STARD9: variants seen among roughly 807,000 people sequenced by gnomAD.
STARD9 encodes stAR-related lipid transfer protein 9.
STARD9 carries 346 observed loss-of-function variants against 399.8 expected under a neutral mutation model. The ratio of observed to expected loss-of-function variants is 0.87; its 90% CI spans 0.79 to 0.95. The LOEUF is 0.95. Ranked by LOEUF, STARD9 falls within the 40% of genes least tolerant of loss-of-function variation. The probability of loss-of-function intolerance (pLI) is 0.00; values close to 1 mark genes in which losing one functional copy is unlikely to be tolerated. For missense variants in STARD9, 5,832 were observed against 5,667.5 expected, an observed-to-expected ratio of 1.03 and a Z score of -0.93; for synonymous variants, 2,203 against 2,143.5, an observed-to-expected ratio of 1.03 and a Z score of -0.77.
At position 42,720,839 on chromosome 15, in the gene STARD9, A is replaced by T. The variant is rs946194062; in HGVS notation, c.*1265A>T. ...ATATATTGTTGATTGAAGGTTTTTT[A>T]AAATTGCTTTTAAACTTCTATTTCT... On this transcript the variant is annotated 3_prime_UTR_variant, in exon 33 of 33. Transcript: ENST00000290607. 1.3e-5 allele frequency: 2 copies of T among 152,110 alleles called. No homozygotes were observed. Among genetic ancestry groups the T allele is most frequent in the African/African-American group, 2.4e-5 (1 of 41,438 alleles). The allele number at this position is 152,110 out of a possible 1,614,324, so 9.4% of individuals were successfully genotyped here.
At chr15:42,654,211 G>GA (rs2059819066) in intron 9 of STARD9, among the ~76,000 whole-genome samples, 1 of 152,012 alleles carries the variant, frequency 6.6e-6, no homozygotes, top group Admixed American at 6.6e-5. Context: ...ATGAGACACA[G>GA]AAAAAAGAAA....
At chr15:42,658,629 C>T (rs907190913) in intron 9 of STARD9, among the ~76,000 whole-genome samples, 5 of 151,726 alleles carry the variant, frequency 3.3e-5, no homozygotes, top group African/African-American at 4.8e-5. Context: ...ATTACAGGCA[C>T]GCATTACCAT....
At position 42,691,721 on chromosome 15, in the gene STARD9, C is replaced by G. The variant is rs74009205; in HGVS notation, c.10143C>G (p.Asp3381Glu). The G allele has an allele frequency of 6.5e-4, 1,005 of 1,537,250 alleles. 6 individuals are homozygous for G. The African/African-American group carries it at 0.013, about 20-fold the overall frequency. The stretch of plus-strand genomic sequence containing the variant: ...CAAGAACATCTCTGCAGGCTGAGGA[C>G]AGCAATCAGAAAGCCTCATCTCGCT... ...SVARTSLQAEDSNQKASSRLD... is the reference protein window; with the variant it reads ...SVARTSLQAEESNQKASSRLD... The change falls in exon 23 of 33, where the codon GAC becomes GAG. Residue 3381 changes from aspartate to glutamate, a missense_variant. Coordinates refer to ENST00000290607, the MANE Select transcript of STARD9 (RefSeq NM_020759.3).
chr15:42,693,990 G>A lies in STARD9; in HGVS notation c.12412G>A (p.Val4138Met), dbSNP rs945694830. Residue 4138 changes from valine to methionine, a missense_variant, in exon 23 of 33, where the codon GTG (valine) becomes ATG (methionine). Coordinates refer to ENST00000290607, the MANE Select transcript of STARD9 (RefSeq NM_020759.3). ...HQHHSLRDLP[V>M]HNKFSNWCGV... ...GCACCACAGTCTGAGGGACCTCCCG[G>A]TGCATAACAAATTTAGTAACTGGTG... The A allele has an allele frequency of 5.9e-6, 9 of 1,514,474 alleles. No individual in the cohort carries two copies. Among genetic ancestry groups the A allele is most frequent in the African/African-American group, 4.1e-5 (3 of 72,532 alleles). The allele number at this position is 1,514,474 out of a possible 1,614,324, so 93.8% of individuals were successfully genotyped here. A position where few individuals can be genotyped will look rare whatever the true frequency, so the allele number is the denominator to read the frequency against.
At chr15:42,640,720 C>T (rs2141946150) in intron 7 of STARD9, among the ~76,000 whole-genome samples, 1 of 147,860 alleles carries the variant, frequency 6.8e-6, no homozygotes, top group South Asian at 2.1e-4. Context: ...ACTCGTGAGG[C>T]TGAGGCGGGA....
chr15:42,713,968 G>A lies in STARD9; in HGVS notation c.13285-2709G>A, dbSNP rs150908758. On this transcript the variant is annotated intron_variant, in intron 26 of 32. Transcript: ENST00000290607. The stretch of plus-strand genomic sequence containing the variant: ...AAGGATTGGTATTAATTCCTTAAAC[G>A]TTTGGTAGATTTTACTAATGAAGCT... Among the ~76,000 whole-genome samples the A allele has an allele frequency of 2.2e-3, 331 of 151,554 alleles. 1 individual carries two copies. The highest frequency in any genetic ancestry group is 7.8e-3 in the African/African-American group (324 of 41,300).
In STARD9 at chr15:42,688,479, C is replaced by A. The variant is rs778863970; in HGVS notation, c.6901C>A (p.Gln2301Lys). 3 of 1,537,744 alleles carry A rather than the reference C, an allele frequency of 2.0e-6. No homozygotes were observed. In the South Asian group the frequency reaches 3.6e-5, roughly 18 times the overall value. Residue 2301 changes from glutamine (Q) to lysine (K), a missense_variant, in exon 23 of 33, where the codon CAG becomes AAG. Transcript: ENST00000290607. Reference sequence around the variant, plus strand: ...GACTCAGAAATTTCCTAGTCTCAGCCAGCTTTGTAGGGACACGTTTTTCAG... The same window carrying A: ...GACTCAGAAATTTCCTAGTCTCAGCAAGCTTTGTAGGGACACGTTTTTCAG... ...KVTQKFPSLS[Q>K]LCRDTFFRQE...
chr15:42,713,169 T>A (rs1380631928), intron 26 of STARD9, among the ~76,000 whole-genome samples: 2 of 152,242 alleles, frequency 1.3e-5, no homozygotes, highest in Non-Finnish European at 2.9e-5. Flanking sequence ...ATTAAACTTA[T>A]TCGTAAGTAT....
chr15:42,716,812 C>T, intron 27 of STARD9, 48 bp downstream of exon 27: 1 of 1,520,984 alleles, frequency 6.6e-7, no homozygotes, highest in Non-Finnish European at 8.8e-7. Flanking sequence ...GGTTTGGGGA[C>T]TTGGGGGCTG....
Position 42,585,605 on chromosome 15 carries a change from C to A in STARD9, c.202C>A (p.Pro68Thr). 6.5e-7 allele frequency: 1 copy of A among 1,536,606 alleles called. No individual in the cohort carries two copies. Among genetic ancestry groups the A allele is most frequent in the Non-Finnish European group, 8.7e-7 (1 of 1,146,384 alleles). Residue 68 changes from proline (P) to threonine (T), a missense_variant, in exon 3 of 33, where the codon CCA (proline) becomes ACA (threonine). Transcript: ENST00000290607. ...GFDYCYWSVN[P>T]EDPQYASQDV... ...TGATTACTGCTACTGGTCAGTCAAC[C>A]CAGAGGATCCCCAGTATGCATCTCA...
intron 16 of STARD9, among the ~76,000 whole-genome samples, chr15:42,673,644 A>G (rs1344145404): frequency 6.6e-6 from 1 of 152,238 alleles, no homozygotes; most frequent in Non-Finnish European, 1.5e-5. Context: ...ATTTGTATAA[A>G]GTACTCAGCA....
rs556801807 is a variant in STARD9 at position 42,640,472 on chromosome 15, A to G, written c.559+1660A>G. Among the ~76,000 whole-genome samples, 260 of 152,292 alleles carry G rather than the reference A, an allele frequency of 1.7e-3. 2 individuals carry two copies. The highest frequency in any genetic ancestry group is 3.0e-3 in the African/African-American group (126 of 41,568). ...TGGGTATACATATCTGTGTAAAGCA[A>G]TACTTTCAAGGCAGACCATGAGTTG... On this transcript the variant is annotated intron_variant, in intron 7 of 32. Coordinates refer to ENST00000290607, the MANE Select transcript of STARD9 (RefSeq NM_020759.3).
chr15:42,647,425 A>T (rs1043325865), intron 7 of STARD9, among the ~76,000 whole-genome samples: 1 of 152,140 alleles, frequency 6.6e-6, no homozygotes, highest in African/African-American at 2.4e-5. Context: ...TTATTATTAC[A>T]TGCATACAAA....
At position 42,691,713 on chromosome 15, in the gene STARD9, G is replaced by A. The variant is rs1438196670; in HGVS notation, c.10135G>A (p.Ala3379Thr). The A allele has an allele frequency of 6.5e-7, 1 of 1,537,264 alleles. No individual in the cohort carries two copies. Among genetic ancestry groups the A allele is most frequent in the East Asian group, 2.4e-5 (1 of 40,918 alleles). The change falls in exon 23 of 33, where the codon GCT (alanine) becomes ACT (threonine). Residue 3379 changes from alanine to threonine, a missense_variant. Coordinates refer to ENST00000290607, the MANE Select transcript of STARD9 (RefSeq NM_020759.3). The stretch of plus-strand genomic sequence containing the variant: ...GTCAGTGGCAAGAACATCTCTGCAG[G>A]CTGAGGACAGCAATCAGAAAGCCTC... ...GKSVARTSLQ[A>T]EDSNQKASSR...
rs1459998069 is a variant in STARD9, at chr15:42,675,670, T to G, written c.1694T>G (p.Val565Gly). Reference sequence around the variant, plus strand: ...ATTTGTCTCTGTGCTGCAGGAGCTGTCATAACCCTGGGGAAGGCACAGAAG... The same window carrying G: ...ATTTGTCTCTGTGCTGCAGGAGCTGGCATAACCCTGGGGAAGGCACAGAAG... ...TASCRLTQGA[V>G]ITLGKAQKFR... Residue 565 changes from valine to glycine, a missense_variant, in exon 19 of 33, where the codon GTC becomes GGC. Val to Gly is a moderately radical substitution (Grantham distance 109, BLOSUM62 -3). Transcript: ENST00000290607. 6.5e-7 allele frequency: 1 copy of G among 1,536,856 alleles called. No homozygotes were observed. The highest frequency in any genetic ancestry group is 8.7e-7 in the Non-Finnish European group (1 of 1,146,622).
rs1055535662 is a variant in STARD9, at chr15:42,694,118, ACCT to A, written c.12544_12546del (p.Pro4182del). On this transcript the variant is annotated inframe_deletion, in exon 23 of 33. Transcript: ENST00000290607. ...AAAAGCAGGAACAGAGTCCCCCACA[ACCT>A]CCTAATGACCACAGCCAGGATTCTG... 1.3e-6 allele frequency: 2 copies of A among 1,536,852 alleles called. No individual in the cohort carries two copies. The highest frequency in any genetic ancestry group is 1.7e-6 in the Non-Finnish European group (2 of 1,146,800).
intron 2 of STARD9, among the ~76,000 whole-genome samples, chr15:42,584,430 TTAAGAA>T (rs1264852724): frequency 2.0e-5 from 3 of 152,216 alleles, no homozygotes; most frequent in African/African-American, 7.2e-5. Flanking sequence ...TTTTTGGTTC[TTAAGAA>T]TAAGTCTCAG....
intron 4 of STARD9, among the ~76,000 whole-genome samples, chr15:42,637,551 G>A (rs2059442544): frequency 6.6e-6 from 1 of 152,110 alleles, no homozygotes; most frequent in South Asian, 2.1e-4. Context: ...ACTCTTGTCC[G>A]CCTGTAAGGA....
rs2060527703 is a variant in STARD9 at position 42,685,399 on chromosome 15, C to T, written c.3821C>T (p.Ser1274Leu). ...GATGCCGTCCTGCCAATGAGCAGTT[C>T]GTTTTACCTTGATCCTCAGTTCCAA... ...RLDAVLPMSS[S>L]FYLDPQFQPH... The change falls in exon 23 of 33, where the codon TCG becomes TTG. Residue 1274 changes from serine to leucine, a missense_variant. Coordinates refer to ENST00000290607, the MANE Select transcript of STARD9 (RefSeq NM_020759.3). 6.5e-7 allele frequency: 1 copy of T among 1,536,624 alleles called. No homozygotes were observed. Among genetic ancestry groups the T allele is most frequent in the Non-Finnish European group, 8.7e-7 (1 of 1,146,664 alleles).
Sources: gnomAD v4.1 joint callset for allele counts (sites outside exome capture counted in the v4.1 genomes callset) on GRCh38, gnomAD v4.1.1 for gene constraint, MANE v1.5 for transcripts, NCBI Gene and HGNC (gene_info 2026-07-23, HGNC 2026-07-21) for gene names.